Variants in BRAF observed in about 807,000 individuals in gnomAD.
The protein encoded by BRAF is B-Raf proto-oncogene, serine/threonine kinase.
BRAF carries 16 observed loss-of-function variants against 104.6 expected under a neutral mutation model. That is an observed-to-expected ratio of 0.15 (90% CI 0.10 to 0.23). The LOEUF (loss-of-function observed/expected upper bound fraction) is 0.23, where lower values mean the gene tolerates loss of function less well. BRAF is among the 10% of genes least tolerant of loss of function. The pLI, the probability that BRAF is intolerant of heterozygous loss-of-function variation, is 1.00. For synonymous variants in BRAF, 310 were observed against 341.6 expected (o/e 0.91, Z 1.02); for missense variants, 541 against 937.3 (o/e 0.58, Z 5.52).
chr7:140,819,541 C>T (rs1380576553), intron 3 of BRAF, among the ~76,000 whole-genome samples: 1 of 152,168 alleles, frequency 6.6e-6, no homozygotes, highest in African/African-American at 2.4e-5. Flanking sequence ...CGAATGTTCA[C>T]AGCAGCATTG....
chr7:140,733,951 C>A (rs1796179803), intron 19 of BRAF: 10 of 979,972 alleles, frequency 1.0e-5, no homozygotes, highest in Non-Finnish European at 1.1e-5. Flanking sequence ...GAAGTTAAGA[C>A]ATTTTACTCA....
chr7:140,915,159 A>G (rs1262249573), intron 1 of BRAF, among the ~76,000 whole-genome samples: 1 of 151,914 alleles, frequency 6.6e-6, no homozygotes, highest in African/African-American at 2.4e-5. Context: ...GCCAAAATAG[A>G]AATTTATTTT....
chr7:140,843,300 T>C (rs781491849), intron 2 of BRAF, among the ~76,000 whole-genome samples: 5 of 152,110 alleles, frequency 3.3e-5, no homozygotes, highest in Middle Eastern at 3.4e-3. Flanking sequence ...CTTTGAGGAG[T>C]TGTATGAGGG....
chr7:140,916,106 T>C (rs1242372116), intron 1 of BRAF, among the ~76,000 whole-genome samples: 2 of 152,230 alleles, frequency 1.3e-5, no homozygotes, highest in African/African-American at 2.4e-5. Context: ...ACCTTCGCAA[T>C]TGTCACCTGA....
rs371186541 is a variant in BRAF at position 140,746,075 on chromosome 7, G to T, written c.2112+3212C>A. 1.1e-4 allele frequency among the ~76,000 whole-genome samples: 17 copies of T among 152,188 alleles called. 1 individual carries two copies. The highest frequency in any genetic ancestry group is 3.9e-4 in the African/African-American group (16 of 41,522). On this transcript the variant is annotated intron_variant, in intron 17 of 19. Coordinates refer to ENST00000644969, the MANE Select transcript of BRAF (RefSeq NM_001374258.1). ...CTCTAGTCAATACGGTGTGAAACAG[G>T]TAAGAATCTTCCTCACAGAGAAAAG... is the stretch of plus-strand genomic sequence containing the variant.
intron 19 of BRAF, chr7:140,731,563 A>C (rs1004212170): frequency 1.3e-5 from 2 of 152,240 alleles, no homozygotes; most frequent in Admixed American, 6.5e-5. Context: ...CTTGAGAGAA[A>C]GGCCATTTAA....
intron 18 of BRAF, among the ~76,000 whole-genome samples, chr7:140,737,590 T>C (rs1796543436): frequency 6.6e-6 from 1 of 152,216 alleles, no homozygotes; most frequent in Non-Finnish European, 1.5e-5. Flanking sequence ...AATTATTCTT[T>C]TTATCTTTCA....
chr7:140,730,736 A>G (rs1443044562), intron 19 of BRAF: 2 of 151,640 alleles, frequency 1.3e-5, no homozygotes, highest in Non-Finnish European at 1.5e-5. Flanking sequence ...AAAAAAAAAG[A>G]CCCTGTGATT....
At position 140,753,460 on chromosome 7, in the gene BRAF, GT is replaced by G. The variant is rs990543163; in HGVS notation, c.1862-68del. The G allele has an allele frequency of 2.8e-5, 28 of 1,017,064 alleles. No individual in the cohort carries two copies. In the African/African-American group the frequency reaches 3.8e-4, roughly 14 times the overall value. The allele number at this position is 1,017,064 out of a possible 1,614,324, so 63.0% of individuals were successfully genotyped here. On this transcript the variant is annotated intron_variant, in intron 15 of 19. Transcript: ENST00000644969. ...CCTATCAGAGCAAGCATTATGAAGA[GT>G]TTAGGTAAGAGATCTAATTTCTATA...
At chr7:140,849,491 TC>T (rs1808919584) in intron 2 of BRAF, among the ~76,000 whole-genome samples, 1 of 150,082 alleles carries the variant, frequency 6.7e-6, no homozygotes, top group Non-Finnish European at 1.5e-5. Flanking sequence ...TTTGCTGAGC[TC>T]CAAAACTGTG....
chr7:140,719,368 T>C lies in BRAF; in HGVS notation c.*7126A>G. ...CAGTCAATCTTTATTATAGCAGTAT[T>C]CGCATATTCACATCAAGTACATAGA... is the stretch of plus-strand genomic sequence containing the variant. On this transcript the variant is annotated 3_prime_UTR_variant, in exon 20 of 20. Transcript: ENST00000644969. 1 of 1,000,970 alleles carries C rather than the reference T, an allele frequency of 1.0e-6. No individual in the cohort carries two copies. The highest frequency in any genetic ancestry group is 1.2e-6 in the Non-Finnish European group (1 of 832,202). 62.0% of individuals were successfully genotyped at this position (1,000,970 alleles called of 1,614,324 possible). A position where few individuals can be genotyped will look rare whatever the true frequency, so the allele number is the denominator to read the frequency against.
chr7:140,891,534 T>C (rs1390843956), intron 1 of BRAF, among the ~76,000 whole-genome samples: 2 of 152,188 alleles, frequency 1.3e-5, no homozygotes, highest in Admixed American at 6.5e-5. Flanking sequence ...CCTAATACTT[T>C]TGATCTGCAG....
chr7:140,777,193 C>A, intron 13 of BRAF, 105 bp from the exon 13 acceptor site: 5 of 976,754 alleles, frequency 5.1e-6, no homozygotes, highest in Non-Finnish European at 5.8e-6. Flanking sequence ...TCAGAAAAAG[C>A]TTTTTTTTTT....
At chr7:140,735,035 T>A (rs890481361) in intron 18 of BRAF, among the ~76,000 whole-genome samples, 2 of 152,222 alleles carry the variant, frequency 1.3e-5, no homozygotes, top group Non-Finnish European at 2.9e-5. Context: ...TAATTCTTAG[T>A]CAGCTTTTAT....
At chr7:140,754,390 CTG>C (rs1429828960) in intron 14 of BRAF, among the ~76,000 whole-genome samples, 157 bp from the exon 14 acceptor site, 1 of 152,108 alleles carries the variant, frequency 6.6e-6, no homozygotes, top group East Asian at 1.9e-4. Flanking sequence ...TTAAAATAGA[CTG>C]TAAATGAATT....
chr7:140,858,940 G>C (rs17161747), intron 1 of BRAF, among the ~76,000 whole-genome samples: 8,861 of 151,860 alleles, frequency 0.058, 503 homozygotes, highest in South Asian at 0.19. Context: ...CAAACCATCA[G>C]GGCTAATACC....
intron 1 of BRAF, among the ~76,000 whole-genome samples, chr7:140,859,967 G>A (rs1810229765): frequency 6.6e-6 from 1 of 152,174 alleles, no homozygotes; most frequent in Non-Finnish European, 1.5e-5. Context: ...GATTACAGGC[G>A]TAAGCCACTG....
At chr7:140,828,566 T>C (rs1221920108) in intron 3 of BRAF, among the ~76,000 whole-genome samples, 1 of 152,186 alleles carries the variant, frequency 6.6e-6, no homozygotes, top group Non-Finnish European at 1.5e-5. Context: ...ACAGCTTTCC[T>C]TTTCTCAATT....
chr7:140,889,613 T>G (rs1813984115), intron 1 of BRAF, among the ~76,000 whole-genome samples: 1 of 152,236 alleles, frequency 6.6e-6, no homozygotes, highest in Admixed American at 6.5e-5. Context: ...ATTAAAATTC[T>G]AATTTAAAAT....
Sources: gnomAD v4.1 joint callset for allele counts (sites outside exome capture counted in the v4.1 genomes callset) on GRCh38, gnomAD v4.1.1 for gene constraint, MANE v1.5 for transcripts, NCBI Gene and HGNC (gene_info 2026-07-23, HGNC 2026-07-21) for gene names.